ARSB: variants seen among roughly 807,000 people sequenced by gnomAD.
ARSB encodes the protein N-acetylgalactosamine-4-sulfatase.
A neutral mutation model predicts 50.9 loss-of-function variants in ARSB; 41 were observed. That is an observed-to-expected ratio of 0.81 (90% CI 0.63 to 1.04). ARSB has a LOEUF of 1.04. Ranked by LOEUF, ARSB falls within the 50% of genes least tolerant of loss-of-function variation. ARSB has a pLI of 0.00. For synonymous variants in ARSB, 269 were observed against 284.8 expected (o/e 0.94, Z 0.56); for missense variants, 672 against 693.3 (o/e 0.97, Z 0.35).
At chr5:78,936,333 A>C (rs1750599648) in intron 4 of ARSB, among the ~76,000 whole-genome samples, 1 of 151,558 alleles carries the variant, frequency 6.6e-6, no homozygotes, top group Non-Finnish European at 1.5e-5. Flanking sequence ...CATGTTGGCC[A>C]GGCTGGTCTC....
chr5:78,957,018 T>G (rs1751757207), intron 3 of ARSB, among the ~76,000 whole-genome samples: 1 of 144,824 alleles, frequency 6.9e-6, no homozygotes, highest in South Asian at 2.1e-4. Context: ...TTCCTGAAAC[T>G]AAGAAGTATG....
intron 5 of ARSB, among the ~76,000 whole-genome samples, chr5:78,870,906 C>G (rs1169986847): frequency 6.6e-6 from 1 of 152,146 alleles, no homozygotes; most frequent in Non-Finnish European, 1.5e-5. Flanking sequence ...GATTGTTTAT[C>G]TAGAAAACCC....
rs968198002 is a variant in ARSB at position 78,948,742 on chromosome 5, T to C, written c.898+6553A>G. Among the ~76,000 whole-genome samples the C allele has an allele frequency of 3.3e-5, 5 of 152,182 alleles. 1 individual carries two copies. In the East Asian group the frequency reaches 5.8e-4, roughly 18 times the overall value. ...CCAGCTGTCATATATATATTCCTCC[T>C]AGTGAGGAGGATATATGTATAAACA... On this transcript the variant is annotated intron_variant, in intron 4 of 7. Coordinates refer to ENST00000264914, the MANE Select transcript of ARSB (RefSeq NM_000046.5).
At position 78,968,997 on chromosome 5, in the gene ARSB, T is replaced by C. The variant is rs753567423; in HGVS notation, c.499+9A>G. Reference sequence around the variant, plus strand: ...TAAGTTGTTAAAGAAACATGTGCATTTCCATTACCAAAGTAGGTATCAAAT... The same window carrying C: ...TAAGTTGTTAAAGAAACATGTGCATCTCCATTACCAAAGTAGGTATCAAAT... On this transcript the variant is annotated intron_variant, in intron 2 of 7. Coordinates refer to ENST00000264914, the MANE Select transcript of ARSB (RefSeq NM_000046.5). The C allele has an allele frequency of 2.5e-6, 4 of 1,614,074 alleles. No individual in the cohort carries two copies. In the South Asian group the frequency reaches 4.4e-5, roughly 18 times the overall value.
At chr5:78,794,662 G>A in intron 6 of ARSB, among the ~76,000 whole-genome samples, 1 of 152,184 alleles carries the variant, frequency 6.6e-6, no homozygotes, top group East Asian at 1.9e-4. Context: ...GATATTCGGG[G>A]AGTATTTACA....
chr5:78,823,491 G>A (rs1174957690), intron 6 of ARSB, among the ~76,000 whole-genome samples: 2 of 152,180 alleles, frequency 1.3e-5, no homozygotes, highest in African/African-American at 4.8e-5. Context: ...CAAGATCAGA[G>A]GAAGTACTTG....
chr5:78,816,308 C>T (rs1226121683), intron 6 of ARSB, among the ~76,000 whole-genome samples: 3 of 152,200 alleles, frequency 2.0e-5, no homozygotes, highest in African/African-American at 7.2e-5. Flanking sequence ...AACAAAGACT[C>T]TTACTGATTA....
At chr5:78,820,643 G>T (rs1394729635) in intron 6 of ARSB, among the ~76,000 whole-genome samples, 1 of 152,148 alleles carries the variant, frequency 6.6e-6, no homozygotes, top group Non-Finnish European at 1.5e-5. Context: ...GCAGTTAAAA[G>T]AATAAAGTAG....
intron 4 of ARSB, among the ~76,000 whole-genome samples, chr5:78,904,687 T>G: frequency 6.8e-5 from 1 of 14,642 alleles, no homozygotes; most frequent in Admixed American, 6.6e-4. Context: ...CTTTCTTTCT[T>G]TTTTTTTTTT....
chr5:78,980,746 G>C (rs1252431244), intron 1 of ARSB, among the ~76,000 whole-genome samples: 1 of 152,070 alleles, frequency 6.6e-6, no homozygotes, highest in Non-Finnish European at 1.5e-5. Context: ...GTGTGTGTGT[G>C]TGTGTGTGTT....
rs1274062718 is a variant in ARSB, at chr5:78,815,827, C to T, written c.1213+23529G>A. ...TCTATGAAGGACACAAATGAATTCT[C>T]ATCTTCAAAGATATTTTGAAATAAT... On this transcript the variant is annotated intron_variant, in intron 6 of 7. Transcript: ENST00000264914. The T allele has an allele frequency of 4.4e-5, 59 of 1,327,482 alleles. 4 individuals are homozygous for T. The highest frequency in any genetic ancestry group is 4.8e-5 in the Non-Finnish European group (50 of 1,035,672). 82.2% of individuals were successfully genotyped at this position (1,327,482 alleles called of 1,614,324 possible).
At chr5:78,947,925 A>T (rs1162162842) in intron 4 of ARSB, among the ~76,000 whole-genome samples, 2 of 152,254 alleles carry the variant, frequency 1.3e-5, no homozygotes, top group African/African-American at 2.4e-5. Flanking sequence ...AATGTGCTAC[A>T]TATACACAAT....
intron 2 of ARSB, among the ~76,000 whole-genome samples, chr5:78,966,942 A>C (rs1752234432): frequency 6.6e-6 from 1 of 151,686 alleles, no homozygotes; most frequent in Non-Finnish European, 1.5e-5. Flanking sequence ...AAAAAAAAAA[A>C]AAGCTAAGAT....
At chr5:78,859,382 T>A (rs997539582) in intron 5 of ARSB, among the ~76,000 whole-genome samples, 2 of 152,226 alleles carry the variant, frequency 1.3e-5, no homozygotes, top group African/African-American at 4.8e-5. Flanking sequence ...ACCCTTAATA[T>A]AATCTTTTCC....
intron 6 of ARSB, chr5:78,815,815 C>T (rs1743962780): frequency 1.5e-6 from 2 of 1,306,988 alleles, no homozygotes; most frequent in African/African-American, 1.5e-5. Flanking sequence ...ATGAAGGACA[C>T]AAATGAATTC....
At chr5:78,874,604 G>C (rs1263927436) in intron 5 of ARSB, among the ~76,000 whole-genome samples, 1 of 151,680 alleles carries the variant, frequency 6.6e-6, no homozygotes, top group Non-Finnish European at 1.5e-5. Context: ...AAAGGTCAAA[G>C]ATAAAAAGTA....
chr5:78,877,956 G>A (rs76557386), intron 5 of ARSB, among the ~76,000 whole-genome samples: 16,955 of 152,098 alleles, frequency 0.11, 1,232 homozygotes, highest in Middle Eastern at 0.18. Flanking sequence ...GCTTCAAGAA[G>A]TGAAAGCTAC....
chr5:78,947,865 A>C (rs553558192), intron 4 of ARSB, among the ~76,000 whole-genome samples: 7 of 152,366 alleles, frequency 4.6e-5, no homozygotes, highest in Non-Finnish European at 7.3e-5. Context: ...CACAATAGCC[A>C]AGATTTGAAA....
At chr5:78,850,565 T>C (rs1030016092) in intron 5 of ARSB, among the ~76,000 whole-genome samples, 2 of 152,196 alleles carry the variant, frequency 1.3e-5, no homozygotes, top group African/African-American at 4.8e-5. Flanking sequence ...AGGATGATGC[T>C]GGACTCATAA....
Sources: gnomAD v4.1 joint callset for allele counts (sites outside exome capture counted in the v4.1 genomes callset) on GRCh38, gnomAD v4.1.1 for gene constraint, MANE v1.5 for transcripts, NCBI Gene and HGNC (gene_info 2026-07-23, HGNC 2026-07-21) for gene names.